The following IQGAP2 variants were observed in gnomAD, a reference collection of about 807,000 sequenced individuals.
IQGAP2 encodes ras GTPase-activating-like protein IQGAP2.
In IQGAP2, 173 loss-of-function variants were observed where a neutral mutation model predicts 201.3. The ratio of observed to expected loss-of-function variants is 0.86; its 90% CI spans 0.76 to 0.98. The LOEUF (loss-of-function observed/expected upper bound fraction) is 0.98. Ranked by LOEUF, IQGAP2 falls within the 50% of genes least tolerant of loss-of-function variation. IQGAP2 has a pLI of 0.00. For missense variants in IQGAP2, 1,687 were observed against 1,864.8 expected (o/e 0.90, Z 1.76); for synonymous variants, 675 against 673.9 (o/e 1.00, Z -0.03).
chr5:76,652,904 A>G, intron 18 of IQGAP2, 71 bp downstream of exon 18: 1 of 1,001,488 alleles, frequency 1.0e-6, no homozygotes, highest in Non-Finnish European at 1.6e-6. Flanking sequence ...TTAATCTGAA[A>G]GACAGCTATA....
chr5:76,532,051 A>C (rs531567374), intron 2 of IQGAP2, among the ~76,000 whole-genome samples: 1 of 152,358 alleles, frequency 6.6e-6, no homozygotes, highest in East Asian at 1.9e-4. Flanking sequence ...CCCACAGGCC[A>C]TATCTCCTAA....
chr5:76,706,206 C>A (rs1362920559), intron 35 of IQGAP2, among the ~76,000 whole-genome samples: 1 of 152,006 alleles, frequency 6.6e-6, no homozygotes, highest in Non-Finnish European at 1.5e-5. Flanking sequence ...GTATTATATA[C>A]CAAAAAAGTC....
chr5:76,417,569 G>A (rs370809384), intron 1 of IQGAP2, among the ~76,000 whole-genome samples: 1 of 151,896 alleles, frequency 6.6e-6, no homozygotes, highest in South Asian at 2.1e-4. Flanking sequence ...ACAGGTGTAA[G>A]CCACCGCGCC....
At chr5:76,410,347 A>G (rs1281201789) in intron 1 of IQGAP2, among the ~76,000 whole-genome samples, 1 of 152,206 alleles carries the variant, frequency 6.6e-6, no homozygotes, top group Non-Finnish European at 1.5e-5. Context: ...AGCTGTCCTG[A>G]GGAGAGTCAC....
At chr5:76,575,891 T>C (rs1745437794) in intron 5 of IQGAP2, 122 bp downstream of exon 5, 1 of 493,548 alleles carries the variant, frequency 2.0e-6, no homozygotes, top group Admixed American at 4.0e-5. Context: ...TTAAATTCCA[T>C]TGTTTTGGAT....
intron 11 of IQGAP2, among the ~76,000 whole-genome samples, chr5:76,603,992 A>G (rs774932949): frequency 6.6e-6 from 1 of 152,084 alleles, no homozygotes; most frequent in Non-Finnish European, 1.5e-5. Context: ...TTTTTTTATT[A>G]TTATACTTTA....
intron 30 of IQGAP2, among the ~76,000 whole-genome samples, chr5:76,690,010 G>A (rs1013780506): frequency 2.0e-5 from 3 of 152,152 alleles, no homozygotes; most frequent in Non-Finnish European, 4.4e-5. Flanking sequence ...ACTCCCTGGT[G>A]TATTTCTTTC....
In IQGAP2 at chr5:76,683,675, T is replaced by C. The variant is rs892851401; in HGVS notation, c.3764-101T>C. On this transcript the variant is annotated intron_variant, in intron 29 of 35. Coordinates refer to ENST00000274364, the MANE Select transcript of IQGAP2 (RefSeq NM_006633.5). ...GTAAAGACCATGATCTCCCATTTAATTACCAAGCCTATCTTTCCCACAGAA... is the reference window on the plus strand; with the variant it reads ...GTAAAGACCATGATCTCCCATTTAACTACCAAGCCTATCTTTCCCACAGAA... 2.7e-6 allele frequency: 3 copies of C among 1,121,232 alleles called. No individual in the cohort carries two copies. The African/African-American group carries it at 4.7e-5, about 18-fold the overall frequency. 69.5% of individuals were successfully genotyped at this position (1,121,232 alleles called of 1,614,324 possible).
intron 2 of IQGAP2, among the ~76,000 whole-genome samples, chr5:76,503,190 T>TTC (rs1554062250): frequency 2.0e-5 from 3 of 149,768 alleles, no homozygotes; most frequent in Admixed American, 1.3e-4. Flanking sequence ...TTTTTTTTTT[T>TTC]TGAGACGGAG....
rs1750735159 is a variant in IQGAP2, at chr5:76,631,866, T to C, written c.1620T>C (p.Thr540=). 6 of 1,584,670 alleles carry C rather than the reference T, an allele frequency of 3.8e-6. No individual in the cohort carries two copies. The highest frequency in any genetic ancestry group is 3.5e-5 in the South Asian group (3 of 86,430). Residue 540 remains threonine (T), a synonymous_variant, in exon 15 of 36, where the codon ACT becomes ACC. Transcript: ENST00000274364. ...VDKDRAKQWV[T]LVVDVNQCLE... Reference sequence around the variant, plus strand: ...TTTTTTTCAATTACCCAGGGGTTACTCTGGTGGTTGATGTTAATCAGTGTT... The same window carrying C: ...TTTTTTTCAATTACCCAGGGGTTACCCTGGTGGTTGATGTTAATCAGTGTT...
rs899329258 is a variant in IQGAP2, at chr5:76,615,206, A to G, written c.1521+4023A>G. The stretch of plus-strand genomic sequence containing the variant: ...CAAAAAGTTCTGTTTTGCTCCTTGT[A>G]TATACCATAAAAACTGTGTGCTTTT... On this transcript the variant is annotated intron_variant, in intron 13 of 35. Coordinates refer to ENST00000274364, the MANE Select transcript of IQGAP2 (RefSeq NM_006633.5). 2.6e-5 allele frequency among the ~76,000 whole-genome samples: 4 copies of G among 152,230 alleles called. No homozygotes were observed. In the East Asian group the frequency reaches 5.8e-4, roughly 22 times the overall value.
chr5:76,429,215 C>A (rs760890527), intron 1 of IQGAP2, among the ~76,000 whole-genome samples: 1 of 151,954 alleles, frequency 6.6e-6, no homozygotes, highest in African/African-American at 2.4e-5. Context: ...CAAATATAAT[C>A]ATTTTGTATA....
chr5:76,693,231 T>C (rs1746432047), intron 30 of IQGAP2, 124 bp from the exon 31 acceptor site: 1 of 600,182 alleles, frequency 1.7e-6, no homozygotes, highest in African/African-American at 1.9e-5. Flanking sequence ...AAGAATGTTT[T>C]ATTTTAAGGT....
chr5:76,625,612 C>T (rs1373760310), intron 13 of IQGAP2, among the ~76,000 whole-genome samples: 1 of 152,192 alleles, frequency 6.6e-6, no homozygotes, highest in Admixed American at 6.5e-5. Flanking sequence ...CCAGAGGTCT[C>T]CTTTAGCCCA....
chr5:76,683,320 G>A, intron 29 of IQGAP2, 103 bp downstream of exon 29: 2 of 651,972 alleles, frequency 3.1e-6, no homozygotes, highest in Non-Finnish European at 2.6e-6. Context: ...CAATTATTTT[G>A]GAATTTAATG....
At chr5:76,686,752 G>T (rs752485496) in intron 30 of IQGAP2, among the ~76,000 whole-genome samples, 1 of 151,888 alleles carries the variant, frequency 6.6e-6, no homozygotes, top group South Asian at 2.1e-4. Context: ...CTCATGATCC[G>T]CCCACCTCAG....
intron 1 of IQGAP2, among the ~76,000 whole-genome samples, chr5:76,415,802 G>T (rs1167629877): frequency 6.6e-6 from 1 of 152,050 alleles, no homozygotes; most frequent in East Asian, 1.9e-4. Flanking sequence ...AATATTAGCT[G>T]GGTATGGTGG....
intron 22 of IQGAP2, among the ~76,000 whole-genome samples, chr5:76,665,425 G>C (rs767564795): frequency 3.9e-5 from 6 of 152,194 alleles, no homozygotes; most frequent in African/African-American, 1.4e-4. Context: ...CTGAGACACA[G>C]CCAGTAAATG....
At chr5:76,585,794 G>A (rs1043245126) in intron 5 of IQGAP2, among the ~76,000 whole-genome samples, 5 of 152,078 alleles carry the variant, frequency 3.3e-5, no homozygotes, top group African/African-American at 4.8e-5. Flanking sequence ...GATTACAGTC[G>A]TGAGCCACCG....
Sources: allele counts gnomAD v4.1 joint callset (sites outside exome capture counted in the v4.1 genomes callset), GRCh38; gene constraint gnomAD v4.1.1; transcripts MANE v1.5; gene names NCBI Gene and HGNC (gene_info 2026-07-23, HGNC 2026-07-21).